Variants in SHOC2 observed in about 807,000 individuals in gnomAD.
SHOC2 encodes the protein leucine-rich repeat protein SHOC-2.
In SHOC2, 4 loss-of-function variants were observed where a neutral mutation model predicts 50.2. The ratio of observed to expected loss-of-function variants is 0.08; its 90% CI spans 0.04 to 0.18. The LOEUF is 0.18. Among genes scored for constraint, SHOC2 ranks in the 10% least tolerant of loss-of-function variants. The pLI, the probability that SHOC2 is intolerant of heterozygous loss-of-function variation, is 1.00. For missense variants in SHOC2, 388 were observed against 669.6 expected, an observed-to-expected ratio of 0.58 and a Z score of 4.64; for synonymous variants, 218 against 244.5, an observed-to-expected ratio of 0.89 and a Z score of 1.01.
In SHOC2 at chr10:111,009,620, T is replaced by C. The variant is rs148788944; in HGVS notation, c.1423-93T>C. ...ATTCTATCCAATCTGGTTTCCCTGT[T>C]AATTTATTTTATTGTTTAGACATAT... On this transcript the variant is annotated intron_variant, in intron 7 of 8. Transcript: ENST00000369452. 1,467 of 877,784 alleles carry C rather than the reference T, an allele frequency of 1.7e-3. 42 individuals are homozygous for C. In the Admixed American group the frequency reaches 0.028, roughly 17 times the overall value. 54.4% of individuals were successfully genotyped at this position (877,784 alleles called of 1,614,324 possible).
chr10:110,985,967 ATGGGATTATAAAAGAGAGAGAATAT>A (rs1304374016), intron 3 of SHOC2: 1 of 536,054 alleles, frequency 1.9e-6, no homozygotes, highest in African/African-American at 1.9e-5. Context: ...AATGAGCCCA[ATGGGATTATAAAAGAGAGAGAATAT>A]TGAGTTACAT....
chr10:111,001,555 T>C (rs1848376390), intron 4 of SHOC2, among the ~76,000 whole-genome samples: 1 of 152,234 alleles, frequency 6.6e-6, no homozygotes, highest in Non-Finnish European at 1.5e-5. Flanking sequence ...CAATGGATGT[T>C]TGCTTATAGT....
intron 1 of SHOC2, among the ~76,000 whole-genome samples, chr10:110,946,944 C>G (rs1847256950): frequency 1.3e-5 from 2 of 152,126 alleles, no homozygotes; most frequent in South Asian, 4.1e-4. Context: ...TGTTTCTTCA[C>G]AGAAGCATTT....
chr10:110,945,146 A>G (rs191506249), intron 1 of SHOC2, among the ~76,000 whole-genome samples: 229 of 152,354 alleles, frequency 1.5e-3, no homozygotes, highest in African/African-American at 5.1e-3. Context: ...TCAAGTAGAT[A>G]TGGTATAAAA....
At chr10:110,951,464 A>G (rs1006097508) in intron 1 of SHOC2, 5 of 152,212 alleles carry the variant, frequency 3.3e-5, no homozygotes, top group African/African-American at 9.7e-5. Flanking sequence ...TGTACTGAAA[A>G]ATAGTATGGA....
At chr10:110,925,044 C>T (rs1184742873) in intron 1 of SHOC2, among the ~76,000 whole-genome samples, 2 of 126,784 alleles carry the variant, frequency 1.6e-5, no homozygotes, top group Non-Finnish European at 3.1e-5. Flanking sequence ...GCACTCCAGC[C>T]TAGGCGACAG....
rs1848116990 is a variant in SHOC2, at chr10:110,988,201, T to A, written c.841+2436T>A. 2.0e-5 allele frequency among the ~76,000 whole-genome samples: 3 copies of A among 152,270 alleles called. No homozygotes were observed. The South Asian group carries it at 6.2e-4, about 32-fold the overall frequency. Reference sequence around the variant, plus strand: ...CACATGTAATGTTATACAACCTATCTTTACCTGGTTTTTGGTTTCAGGGTA... The same window carrying A: ...CACATGTAATGTTATACAACCTATCATTACCTGGTTTTTGGTTTCAGGGTA... On this transcript the variant is annotated intron_variant, in intron 3 of 8. Transcript: ENST00000369452.
intron 3 of SHOC2, among the ~76,000 whole-genome samples, chr10:110,987,275 A>C (rs1024450930): frequency 1.1e-4 from 16 of 151,928 alleles, no homozygotes; most frequent in African/African-American, 3.6e-4. Context: ...TTTTATTGGG[A>C]GAATTTATTT....
chr10:110,973,746 T>C (rs1353505076), intron 2 of SHOC2, among the ~76,000 whole-genome samples: 1 of 151,976 alleles, frequency 6.6e-6, no homozygotes, highest in Non-Finnish European at 1.5e-5. Flanking sequence ...TTATTCAGGT[T>C]TTCTATTTGT....
chr10:110,958,968 A>AAATT (rs1847522534), intron 1 of SHOC2, among the ~76,000 whole-genome samples: 1 of 152,140 alleles, frequency 6.6e-6, no homozygotes, highest in South Asian at 2.1e-4. Context: ...CCTTACTCTT[A>AAATT]AAATGATAGT....
At chr10:110,999,131 A>G (rs1848320187) in intron 3 of SHOC2, among the ~76,000 whole-genome samples, 1 of 152,210 alleles carries the variant, frequency 6.6e-6, no homozygotes, top group South Asian at 2.1e-4. Context: ...CACTTCTGTA[A>G]TTTCTAACAC....
Position 110,964,553 on chromosome 10 carries a change from A to G in SHOC2, c.195A>G (p.Ala65=). 1 of 1,614,118 alleles carries G rather than the reference A, an allele frequency of 6.2e-7. No homozygotes were observed. The highest frequency in any genetic ancestry group is 8.5e-7 in the Non-Finnish European group (1 of 1,180,012). ...KDSSAAQPGV[A]FSVDNTIKRP... ...CCAGTGCTGCCCAACCAGGGGTGGC[A>G]TTTTCAGTTGACAATACGATCAAAC... is the stretch of plus-strand genomic sequence containing the variant. The change falls in exon 2 of 9, where the codon GCA becomes GCG. Residue 65 remains alanine, a synonymous_variant. Coordinates refer to ENST00000369452, the MANE Select transcript of SHOC2 (RefSeq NM_007373.4). The surrounding 1 kb of genome is among the most constrained non-coding windows in gnomAD (Gnocchi z 4.9).
chr10:110,934,853 A>T (rs914398216), intron 1 of SHOC2, among the ~76,000 whole-genome samples: 1 of 152,114 alleles, frequency 6.6e-6, no homozygotes, highest in African/African-American at 2.4e-5. Flanking sequence ...AGGTAACTTA[A>T]GTAGTAGTTT....
chr10:110,932,306 C>A (rs765725077), intron 1 of SHOC2, among the ~76,000 whole-genome samples: 4 of 152,128 alleles, frequency 2.6e-5, no homozygotes, highest in Middle Eastern at 3.2e-3. Context: ...ATCCTGAGGA[C>A]TCCCCTCAGT....
Position 110,964,538 on chromosome 10 carries a change from C to A in SHOC2, c.180C>A (p.Ala60=). The A allele has an allele frequency of 6.2e-7, 1 of 1,613,934 alleles. No homozygotes were observed. Among genetic ancestry groups the A allele is most frequent in the Non-Finnish European group, 8.5e-7 (1 of 1,179,972 alleles). The change falls in exon 2 of 9, where the codon GCC becomes GCA. Residue 60 remains alanine (A), a synonymous_variant. Coordinates refer to ENST00000369452, the MANE Select transcript of SHOC2 (RefSeq NM_007373.4). The surrounding 1 kb of genome is among the most constrained non-coding windows in gnomAD (Gnocchi z 4.9). ...AKDGKKDSSA[A]QPGVAFSVDN... ...ATGGAAAGAAGGACTCCAGTGCTGC[C>A]CAACCAGGGGTGGCATTTTCAGTTG... is the stretch of plus-strand genomic sequence containing the variant.
intron 1 of SHOC2, among the ~76,000 whole-genome samples, chr10:110,940,424 T>C (rs1847112806): frequency 6.6e-6 from 1 of 152,190 alleles, no homozygotes; most frequent in African/African-American, 2.4e-5. Flanking sequence ...ATCTTTAGGG[T>C]TAGGTTCAAA....
chr10:110,965,028 G>C lies in SHOC2; in HGVS notation c.670G>C (p.Glu224Gln). 2 of 1,613,854 alleles carry C rather than the reference G, an allele frequency of 1.2e-6. No individual in the cohort carries two copies. The highest frequency in any genetic ancestry group is 1.7e-6 in the Non-Finnish European group (2 of 1,179,868). ...AAAACTCAGCATGCTTAGCATTCGA[G>C]AGAACAAAATTAAACAACTACCTGC... is the stretch of plus-strand genomic sequence containing the variant. ...LSKLSMLSIR[E>Q]NKIKQLPAEI... is the part of the protein sequence containing the mutation. Residue 224 changes from glutamate (E) to glutamine (Q), a missense_variant, in exon 2 of 9, where the codon GAG (glutamate) becomes CAG (glutamine). Physicochemically the swap from Glu to Gln is conservative, Grantham distance 29. This residue lies in a region of SHOC2 where 88 missense variants were observed against 147.2 expected (regional missense o/e 0.60). Coordinates refer to ENST00000369452, the MANE Select transcript of SHOC2 (RefSeq NM_007373.4).
At chr10:110,995,520 G>A (rs1333794650) in intron 3 of SHOC2, among the ~76,000 whole-genome samples, 1 of 152,184 alleles carries the variant, frequency 6.6e-6, no homozygotes, top group Non-Finnish European at 1.5e-5. Flanking sequence ...CAAGCTAAGT[G>A]GAGCAAAGTC....
intron 2 of SHOC2, among the ~76,000 whole-genome samples, chr10:110,984,084 G>C (rs1297088643): frequency 1.3e-5 from 2 of 152,278 alleles, no homozygotes; most frequent in African/African-American, 2.4e-5. Context: ...AAGAACCACT[G>C]TACAGTTTTT....
Sources: allele counts gnomAD v4.1 joint callset (sites outside exome capture counted in the v4.1 genomes callset), GRCh38; gene constraint gnomAD v4.1.1; regional missense constraint gnomAD v4.1.1; non-coding constraint Gnocchi (gnomAD v3.1); transcripts MANE v1.5; gene names NCBI Gene and HGNC (gene_info 2026-07-23, HGNC 2026-07-21).